The following CNNM2 variants were observed in gnomAD, a reference collection of about 807,000 sequenced individuals.
CNNM2 encodes the protein metal transporter CNNM2.
CNNM2 carries 12 observed loss-of-function variants against 66.9 expected under a neutral mutation model. The observed-to-expected ratio is 0.18, with a 90% CI of 0.11 to 0.29. The LOEUF (loss-of-function observed/expected upper bound fraction) is 0.29. CNNM2 is among the 10% of genes least tolerant of loss of function. CNNM2 has a pLI of 1.00. For missense variants in CNNM2, 705 were observed against 1,167.7 expected, an observed-to-expected ratio of 0.60 and a Z score of 5.77; for synonymous variants, 557 against 501.8, an observed-to-expected ratio of 1.11 and a Z score of -1.47.
chr10:103,074,148 C>T (rs1166705743), intron 6 of CNNM2, among the ~76,000 whole-genome samples: 4 of 151,954 alleles, frequency 2.6e-5, no homozygotes, highest in African/African-American at 2.4e-5. Context: ...ATTAGCTGGG[C>T]GTGGTGGTGC....
At chr10:103,023,783 ATAT>A (rs2064641937) in intron 1 of CNNM2, among the ~76,000 whole-genome samples, 1 of 152,184 alleles carries the variant, frequency 6.6e-6, no homozygotes. Context: ...TATACCCTAA[ATAT>A]TATTTTGAAA....
chr10:102,996,380 A>G (rs1336235410), intron 1 of CNNM2, among the ~76,000 whole-genome samples: 1 of 151,958 alleles, frequency 6.6e-6, no homozygotes, highest in East Asian at 1.9e-4. Context: ...ATCAAGGCTG[A>G]TGAAATTTCA....
Position 102,980,467 on chromosome 10 carries a change from G to A in CNNM2, c.1621+60366G>A, listed in dbSNP as rs572707494. The stretch of plus-strand genomic sequence containing the variant: ...GTATCTTTTGTAGAGACAGGGTCTC[G>A]CCATGTTATCCAAGCTGGTCTCGAA... On this transcript the variant is annotated intron_variant, in intron 1 of 7. Transcript: ENST00000369878. 2.0e-5 allele frequency among the ~76,000 whole-genome samples: 3 copies of A among 151,662 alleles called. No homozygotes were observed. The South Asian group carries it at 6.3e-4, about 32-fold the overall frequency.
chr10:102,960,920 T>C (rs934293926), intron 1 of CNNM2, among the ~76,000 whole-genome samples: 7 of 148,816 alleles, frequency 4.7e-5, no homozygotes, highest in African/African-American at 1.7e-4. Context: ...TGAGACAGAG[T>C]TTCGCTCTTG....
chr10:103,028,829 T>C (rs28668359), intron 1 of CNNM2, among the ~76,000 whole-genome samples: 1,197 of 19,656 alleles, frequency 0.061, 7 homozygotes, highest in African/African-American at 0.15. Flanking sequence ...TTTTTTTTTC[T>C]TTTTTTTTTT....
At chr10:103,051,478 C>A (rs970284580) in intron 2 of CNNM2, among the ~76,000 whole-genome samples, 1 of 150,402 alleles carries the variant, frequency 6.6e-6, no homozygotes, top group African/African-American at 2.5e-5. Context: ...TGGTGGCTCA[C>A]CCCTGTAATG....
intron 2 of CNNM2, among the ~76,000 whole-genome samples, chr10:103,050,235 T>A (rs2065193396): frequency 6.6e-6 from 1 of 152,192 alleles, no homozygotes; most frequent in African/African-American, 2.4e-5. Flanking sequence ...CAAGTACTCT[T>A]TAAAGTGAAT....
At chr10:102,954,408 C>T (rs536859043) in intron 1 of CNNM2, among the ~76,000 whole-genome samples, 22 of 151,812 alleles carry the variant, frequency 1.4e-4, no homozygotes, top group Admixed American at 6.6e-4. Flanking sequence ...CATGAGACAC[C>T]GTGCCTGGCC....
At chr10:103,036,645 C>T (rs2134310655) in intron 1 of CNNM2, among the ~76,000 whole-genome samples, 1 of 152,328 alleles carries the variant, frequency 6.6e-6, no homozygotes, top group East Asian at 1.9e-4. Flanking sequence ...CAACTACCTG[C>T]TGTATACCTC....
intron 1 of CNNM2, among the ~76,000 whole-genome samples, chr10:102,974,552 A>G (rs1452927752): frequency 6.6e-6 from 1 of 151,984 alleles, no homozygotes; most frequent in Non-Finnish European, 1.5e-5. Flanking sequence ...GAATATCTAG[A>G]ATTGGGGGAG....
chr10:102,977,893 T>C (rs777352029), intron 1 of CNNM2, among the ~76,000 whole-genome samples: 2 of 152,072 alleles, frequency 1.3e-5, no homozygotes, highest in African/African-American at 4.8e-5. Context: ...GGTCTTTGAG[T>C]TCCTCCTGGG....
chr10:103,001,625 G>A (rs1463637430), intron 1 of CNNM2, among the ~76,000 whole-genome samples: 4 of 152,106 alleles, frequency 2.6e-5, no homozygotes, highest in African/African-American at 9.7e-5. Context: ...ATATCCACAT[G>A]CAAAAGAATG....
chr10:103,030,038 T>A (rs1240837367), intron 1 of CNNM2, among the ~76,000 whole-genome samples: 1 of 151,932 alleles, frequency 6.6e-6, no homozygotes, highest in Non-Finnish European at 1.5e-5. Flanking sequence ...CATTGAATAT[T>A]TGAGGGAGAA....
chr10:102,984,437 T>C (rs2063764238), intron 1 of CNNM2, among the ~76,000 whole-genome samples: 1 of 152,148 alleles, frequency 6.6e-6, no homozygotes, highest in African/African-American at 2.4e-5. Flanking sequence ...TAATCAGAAA[T>C]AATTTCTTAG....
intron 1 of CNNM2, among the ~76,000 whole-genome samples, chr10:102,938,619 CAAAAA>C (rs10596673): frequency 4.7e-5 from 3 of 63,674 alleles, no homozygotes; most frequent in African/African-American, 1.4e-4. Flanking sequence ...GACCCTGTCT[CAAAAA>C]AAAAAAAAAA....
chr10:103,085,908 T>C lies in CNNM2; in HGVS notation c.*8728T>C, dbSNP rs528999649. ...TGGTTGAGAAATCCAGGTTAAAGAA[T>C]AGAAAAGCTTTTTACTCATTCTATA... On this transcript the variant is annotated 3_prime_UTR_variant, in exon 8 of 8. Coordinates refer to ENST00000369878, the MANE Select transcript of CNNM2 (RefSeq NM_017649.5). 3.3e-5 allele frequency: 5 copies of C among 152,232 alleles called. No individual in the cohort carries two copies. The highest frequency in any genetic ancestry group is 7.2e-5 in the African/African-American group (3 of 41,568). 9.4% of individuals were successfully genotyped at this position (152,232 alleles called of 1,614,324 possible).
At chr10:102,986,909 T>C (rs1239651836) in intron 1 of CNNM2, among the ~76,000 whole-genome samples, 1 of 152,098 alleles carries the variant, frequency 6.6e-6, no homozygotes, top group Admixed American at 6.6e-5. Context: ...TAGGGTGGGC[T>C]AGGTGATTTG....
At chr10:102,952,622 CAAA>C (rs35818455) in intron 1 of CNNM2, among the ~76,000 whole-genome samples, 4 of 127,074 alleles carry the variant, frequency 3.1e-5, no homozygotes, top group Admixed American at 7.9e-5. Context: ...CTGTCTCTAC[CAAA>C]AAAAAAAAAA....
chr10:102,940,795 C>T (rs188590202), intron 1 of CNNM2, among the ~76,000 whole-genome samples: 1 of 152,118 alleles, frequency 6.6e-6, no homozygotes, highest in East Asian at 1.9e-4. Flanking sequence ...TATCTTGGCT[C>T]ACTGAAACCT....
Sources: allele counts gnomAD v4.1 joint callset (sites outside exome capture counted in the v4.1 genomes callset), GRCh38; gene constraint gnomAD v4.1.1; transcripts MANE v1.5; gene names NCBI Gene and HGNC (gene_info 2026-07-23, HGNC 2026-07-21).